OR6N1: variants seen among roughly 807,000 people sequenced by gnomAD.
OR6N1 encodes the protein olfactory receptor 6N1.
For missense variants in OR6N1, 394 were observed against 371.7 expected, an observed-to-expected ratio of 1.06 and a Z score of -0.49; for synonymous variants, 170 against 150.7, an observed-to-expected ratio of 1.13 and a Z score of -0.94.
the OR6N1 span, among the ~76,000 whole-genome samples, chr1:158,818,144 T>C: frequency 6.6e-6 from 1 of 152,210 alleles, no homozygotes; most frequent in Admixed American, 6.5e-5. Flanking sequence ...TTTCTTTATA[T>C]TTCTTTGTCC....
the OR6N1 span, among the ~76,000 whole-genome samples, chr1:158,793,284 C>T: frequency 6.6e-6 from 1 of 151,642 alleles, no homozygotes; most frequent in Non-Finnish European, 1.5e-5. Flanking sequence ...TCAAAGATTT[C>T]ATCTTGGTTT....
the OR6N1 span, among the ~76,000 whole-genome samples, chr1:158,794,061 C>T: frequency 2.6e-4 from 39 of 152,314 alleles, no homozygotes; most frequent in Non-Finnish European, 5.0e-4. Flanking sequence ...GATAGTGACT[C>T]TACCTCTCAT....
the OR6N1 span, among the ~76,000 whole-genome samples, chr1:158,823,347 T>C: frequency 6.6e-6 from 1 of 152,180 alleles, no homozygotes; most frequent in Non-Finnish European, 1.5e-5. Flanking sequence ...CTGAGGCTTT[T>C]TTTGCTTGGT....
At chr1:158,836,312 C>T in the OR6N1 span, among the ~76,000 whole-genome samples, 5 of 151,874 alleles carry the variant, frequency 3.3e-5, no homozygotes, top group Admixed American at 6.6e-5. Flanking sequence ...CTTAATTCTT[C>T]TTTATATATT....
the OR6N1 span, chr1:158,781,150 G>A: frequency 6.6e-6 from 1 of 152,148 alleles, no homozygotes; most frequent in South Asian, 2.1e-4. Context: ...TATAGTTAAT[G>A]TGCCCCTTAG....
At chr1:158,770,431 C>T (rs2102009895) in intron 1 of OR6N1, among the ~76,000 whole-genome samples, 1 of 152,158 alleles carries the variant, frequency 6.6e-6, no homozygotes, top group South Asian at 2.1e-4. Flanking sequence ...TTTTTCACAC[C>T]CCCTTTAAGA....
At chr1:158,807,955 T>C in the OR6N1 span, among the ~76,000 whole-genome samples, 1 of 151,854 alleles carries the variant, frequency 6.6e-6, no homozygotes, top group African/African-American at 2.4e-5. Flanking sequence ...GTGTGCAGCA[T>C]GTTTGACTAC....
At chr1:158,830,096 C>A in the OR6N1 span, among the ~76,000 whole-genome samples, 1 of 152,264 alleles carries the variant, frequency 6.6e-6, no homozygotes, top group East Asian at 1.9e-4. Flanking sequence ...GAACACAGAG[C>A]CAAACCATAT....
At chr1:158,831,043 G>A in the OR6N1 span, among the ~76,000 whole-genome samples, 1 of 152,178 alleles carries the variant, frequency 6.6e-6, no homozygotes, top group South Asian at 2.1e-4. Flanking sequence ...AAACTTTGGT[G>A]TTTTGCCTTT....
At chr1:158,772,277 GC>G (rs1657441804), upstream of OR6N1, 1 of 152,128 alleles carries the variant, frequency 6.6e-6, no homozygotes, top group African/African-American at 2.4e-5. Flanking sequence ...AGAGGCAGAA[GC>G]CCATGGGCCT....
the OR6N1 span, among the ~76,000 whole-genome samples, chr1:158,825,853 G>C: frequency 6.6e-6 from 1 of 152,146 alleles, no homozygotes; most frequent in South Asian, 2.1e-4. Flanking sequence ...ATTCACAAAA[G>C]AGCAAAAGCA....
the OR6N1 span, among the ~76,000 whole-genome samples, chr1:158,787,619 T>TATCTCTC: frequency 8.3e-6 from 1 of 119,766 alleles, no homozygotes; most frequent in Non-Finnish European, 1.6e-5. Context: ...TCTATCTCTC[T>TATCTCTC]ATCTCTCTCT....
the OR6N1 span, among the ~76,000 whole-genome samples, chr1:158,786,527 GAA>G: frequency 6.6e-6 from 1 of 152,116 alleles, no homozygotes; most frequent in African/African-American, 2.4e-5. Context: ...GTCATTATTT[GAA>G]AAAGACATGG....
the OR6N1 span, among the ~76,000 whole-genome samples, chr1:158,791,781 A>T: frequency 6.6e-6 from 1 of 152,130 alleles, no homozygotes; most frequent in Non-Finnish European, 1.5e-5. Context: ...TTTGATTTTT[A>T]AAAGTTTATT....
chr1:158,810,301 CTGCCCATTACCTGA>C, the OR6N1 span, among the ~76,000 whole-genome samples: 1 of 151,998 alleles, frequency 6.6e-6, no homozygotes. Flanking sequence ...GGCCCCACTC[CTGCCCATTACCTGA>C]TGGTTTTGAT....
intron 1 of OR6N1, among the ~76,000 whole-genome samples, chr1:158,768,948 T>C (rs1041944083): frequency 4.6e-5 from 7 of 152,198 alleles, no homozygotes; most frequent in African/African-American, 1.7e-4. Context: ...TATAAGTTCC[T>C]TAAGGGCAAA....
the OR6N1 span, among the ~76,000 whole-genome samples, chr1:158,821,940 G>C: frequency 1.3e-5 from 2 of 152,232 alleles, no homozygotes; most frequent in African/African-American, 4.8e-5. Flanking sequence ...CCAGCATTTG[G>C]TATTGTCAGC....
the OR6N1 span, among the ~76,000 whole-genome samples, chr1:158,821,362 C>T: frequency 6.6e-6 from 1 of 152,136 alleles, no homozygotes; most frequent in African/African-American, 2.4e-5. Flanking sequence ...TTCACTCTTG[C>T]TATCACACAT....
the OR6N1 span, among the ~76,000 whole-genome samples, chr1:158,789,288 A>G: frequency 3.5e-4 from 53 of 152,298 alleles, no homozygotes; most frequent in African/African-American, 1.3e-3. Flanking sequence ...GGCTATTGTA[A>G]CAGTGCTGCA....
Sources: gnomAD v4.1 joint callset for allele counts (sites outside exome capture counted in the v4.1 genomes callset) on GRCh38, gnomAD v4.1.1 for gene constraint, MANE v1.5 for transcripts, NCBI Gene and HGNC (gene_info 2026-07-23, HGNC 2026-07-21) for gene names.